The following RICTOR variants were observed in gnomAD, a reference collection of about 807,000 sequenced individuals.
RICTOR encodes RPTOR independent companion of MTOR complex 2, also known as rapamycin-insensitive companion of mTOR.
Under a neutral mutation model 214.9 loss-of-function variants are expected in RICTOR, and 49 were observed. The ratio of observed to expected loss-of-function variants is 0.23; its 90% CI spans 0.18 to 0.29. The LOEUF is 0.29. RICTOR is among the 10% of genes least tolerant of loss of function. RICTOR has a pLI of 1.00. For missense variants in RICTOR, 1,625 were observed against 2,047.0 expected (o/e 0.79, Z 3.98); for synonymous variants, 717 against 711.3 (o/e 1.01, Z -0.13).
intron 2 of RICTOR, among the ~76,000 whole-genome samples, chr5:39,041,018 A>G (rs1432946494): frequency 6.6e-6 from 1 of 152,244 alleles, no homozygotes; most frequent in Non-Finnish European, 1.5e-5. Flanking sequence ...GTATAAGACA[A>G]GTTGAGAATA....
At position 38,949,806 on chromosome 5, in the gene RICTOR, A is replaced by C. The variant is rs1748562643; in HGVS notation, c.4042T>G (p.Ser1348Ala). 2 of 1,613,502 alleles carry C rather than the reference A, an allele frequency of 1.2e-6. No individual in the cohort carries two copies. The highest frequency in any genetic ancestry group is 1.7e-6 in the Non-Finnish European group (2 of 1,179,548). The change falls in exon 31 of 38, where the codon TCT becomes GCT. Residue 1348 changes from serine to alanine, a missense_variant. Physicochemically the swap from Ser to Ala is moderately conservative, Grantham distance 99 (BLOSUM62 1). Around this residue, in one of 5 missense-constraint regions of RICTOR, gnomAD observed 1,214 missense variants for 1,470.5 expected, o/e 0.83. Coordinates refer to ENST00000357387, the MANE Select transcript of RICTOR (RefSeq NM_152756.5). Reference sequence around the variant, plus strand: ...TTTGCTGGAGATGCCAAAGCTTCAGAGTGAGATAAGGATGGATGCATTCTT... The same window carrying C: ...TTTGCTGGAGATGCCAAAGCTTCAGCGTGAGATAAGGATGGATGCATTCTT... ...QQRMHPSLSH[S>A]EALASPAKDV...
chr5:39,049,549 T>C (rs1757708457), intron 2 of RICTOR, among the ~76,000 whole-genome samples: 3 of 149,484 alleles, frequency 2.0e-5, no homozygotes, highest in Non-Finnish European at 4.4e-5. Flanking sequence ...ACATATGCAG[T>C]AGCAAGCCAG....
chr5:38,951,810 C>T (rs188487538), intron 30 of RICTOR, among the ~76,000 whole-genome samples: 10 of 151,938 alleles, frequency 6.6e-5, no homozygotes, highest in Admixed American at 6.6e-4. Flanking sequence ...AATATAATAT[C>T]AGTTAAAAAT....
At chr5:39,013,320 A>G (rs1754689625) in intron 3 of RICTOR, among the ~76,000 whole-genome samples, 1 of 152,168 alleles carries the variant, frequency 6.6e-6, no homozygotes, top group Non-Finnish European at 1.5e-5. Context: ...AGATTTTGAT[A>G]ATGTCACTGG....
At chr5:39,001,729 C>A (rs1239252) in intron 5 of RICTOR, among the ~76,000 whole-genome samples, 6,840 of 152,014 alleles carry the variant, frequency 0.045, 285 homozygotes, top group African/African-American at 0.1. Context: ...AAAAGATAGG[C>A]TATCCAAACT....
intron 2 of RICTOR, among the ~76,000 whole-genome samples, chr5:39,036,876 T>C (rs576740254): frequency 2.6e-5 from 4 of 152,264 alleles, no homozygotes; most frequent in Non-Finnish European, 5.9e-5. Context: ...TGGGAGACTT[T>C]AGCACCCCAC....
chr5:38,982,011 G>A lies in RICTOR; in HGVS notation c.609C>T (p.Ala203=), dbSNP rs1186048306. 5 of 1,612,130 alleles carry A rather than the reference G, an allele frequency of 3.1e-6. No homozygotes were observed. The highest frequency in any genetic ancestry group is 4.2e-6 in the Non-Finnish European group (5 of 1,178,646). ...AGATGGTGTTTAGTCCACCTCGAAGGGCCACCACCTCTGGATTCTGAAGTG... is the reference window on the plus strand; with the variant it reads ...AGATGGTGTTTAGTCCACCTCGAAGAGCCACCACCTCTGGATTCTGAAGTG... The part of the protein sequence containing the change: ...ELALQNPEVV[A]LRGGLNTILK... Residue 203 remains alanine, a synonymous_variant, in exon 8 of 38, where the codon GCC becomes GCT. Transcript: ENST00000357387.
rs756008171 is a variant in RICTOR at position 38,968,022 on chromosome 5, T to C, written c.981A>G (p.Leu327=). 18 of 1,593,082 alleles carry C rather than the reference T, an allele frequency of 1.1e-5. No homozygotes were observed. The highest frequency in any genetic ancestry group is 6.7e-5 in the East Asian group (3 of 44,678). ...CIPNMEIRRG[L]LEVLYDIFRL... is the part of the protein sequence containing the mutation. ...GAAATATATCATAAAGCACTTCAAGTAGACCTCGCTAAATTAGCAAACAAA... is the reference window on the plus strand; with the variant it reads ...GAAATATATCATAAAGCACTTCAAGCAGACCTCGCTAAATTAGCAAACAAA... Residue 327 remains leucine (L), a synonymous_variant, in exon 12 of 38, where the codon CTA becomes CTG. Transcript: ENST00000357387.
rs376775091 is a variant in RICTOR, at chr5:38,953,514, C to T, written c.2737G>A (p.Asp913Asn). The T allele has an allele frequency of 1.3e-6, 2 of 1,496,292 alleles. No homozygotes were observed. The highest frequency in any genetic ancestry group is 1.8e-6 in the Non-Finnish European group (2 of 1,117,322). 92.7% of individuals were successfully genotyped at this position (1,496,292 alleles called of 1,614,324 possible). ...TELCRNVRTP[D>N]LDKWEEIKKL... ...TTAATTTCTTCCCACTTATCCAAAT[C>T]TGGTGTACGAACATTACGACAGAGT... The change falls in exon 28 of 38, where the codon GAT becomes AAT. Residue 913 changes from aspartate (D) to asparagine (N), a missense_variant. This residue lies in a region of RICTOR where 1,214 missense variants were observed against 1,470.5 expected (regional missense o/e 0.83). Transcript: ENST00000357387.
chr5:39,042,276 T>C (rs910380849), intron 2 of RICTOR, among the ~76,000 whole-genome samples: 9 of 152,154 alleles, frequency 5.9e-5, no homozygotes, highest in African/African-American at 2.2e-4. Context: ...TCTTCAAATG[T>C]TACAATATAA....
At chr5:39,062,982 AT>A (rs1758656780) in intron 2 of RICTOR, among the ~76,000 whole-genome samples, 1 of 152,142 alleles carries the variant, frequency 6.6e-6, no homozygotes, top group African/African-American at 2.4e-5. Context: ...AGATCAGAAA[AT>A]CTGGTGATTT....
chr5:38,970,947 T>G (rs1208666383), intron 11 of RICTOR: 4 of 152,194 alleles, frequency 2.6e-5, no homozygotes, highest in East Asian at 1.9e-4. Context: ...AGAATGCCCT[T>G]GTGTGTTGTT....
chr5:38,938,498 A>C lies in RICTOR; in HGVS notation c.*3806T>G. On this transcript the variant is annotated 3_prime_UTR_variant, in exon 38 of 38. Transcript: ENST00000357387. ...TTTTTTGGCATAAATTATATTTTTG[A>C]AATTAAATATTCTATAAAGAAAGTA... 4.3e-6 allele frequency: 1 copy of C among 232,450 alleles called. No homozygotes were observed. Among genetic ancestry groups the C allele is most frequent in the East Asian group, 6.1e-5 (1 of 16,300 alleles). 14.4% of individuals were successfully genotyped at this position (232,450 alleles called of 1,614,324 possible). A position where few individuals can be genotyped will look rare whatever the true frequency, so the allele number is the denominator to read the frequency against.
chr5:39,062,313 A>G (rs1018367195), intron 2 of RICTOR, among the ~76,000 whole-genome samples: 10 of 152,074 alleles, frequency 6.6e-5, no homozygotes, highest in Admixed American at 2.0e-4. Flanking sequence ...AAACTACCAC[A>G]TGGCTAAATG....
chr5:39,024,986 T>C (rs1387837810), intron 2 of RICTOR, among the ~76,000 whole-genome samples: 2 of 152,174 alleles, frequency 1.3e-5, no homozygotes, highest in South Asian at 2.1e-4. Flanking sequence ...GTATCTAACA[T>C]AGAAGTGGAA....
chr5:39,039,352 C>T lies in RICTOR; in HGVS notation c.98-18216G>A, dbSNP rs1039522162. On this transcript the variant is annotated intron_variant, in intron 2 of 37. Coordinates refer to ENST00000357387, the MANE Select transcript of RICTOR (RefSeq NM_152756.5). ...AAAGACTTAAATGTTAGACCTAAAA[C>T]CATAAAAACCCTAGAAGAAAACCTA... Among the ~76,000 whole-genome samples the T allele has an allele frequency of 1.2e-4, 19 of 152,188 alleles. 1 individual carries two copies. The Middle Eastern group carries it at 0.01, about 82-fold the overall frequency.
chr5:38,962,947 G>C lies in RICTOR; in HGVS notation c.1495C>G (p.Gln499Glu), dbSNP rs2150024114. 1.2e-6 allele frequency: 2 copies of C among 1,612,552 alleles called. No individual in the cohort carries two copies. The highest frequency in any genetic ancestry group is 1.7e-6 in the Non-Finnish European group (2 of 1,178,720). The change falls in exon 17 of 38, where the codon CAG becomes GAG. Residue 499 changes from glutamine to glutamate, a missense_variant. Gln to Glu is a conservative substitution (Grantham distance 29). Transcript: ENST00000357387. ...PYSLHLDHII[Q>E]KAIATHQKRD... is the part of the protein sequence containing the mutation. ...TTCTGGTGTGTTGCAATTGCTTTCTGAATAATGTGGTCTAAATGAAGACTA... is the reference window on the plus strand; with the variant it reads ...TTCTGGTGTGTTGCAATTGCTTTCTCAATAATGTGGTCTAAATGAAGACTA...
In RICTOR at chr5:38,957,741, A is replaced by T. The variant is rs773275490; in HGVS notation, c.2421-11T>A. 6.8e-7 allele frequency: 1 copy of T among 1,475,032 alleles called. No homozygotes were observed. Among genetic ancestry groups the T allele is most frequent in the South Asian group, 1.2e-5 (1 of 83,986 alleles). 91.4% of individuals were successfully genotyped at this position (1,475,032 alleles called of 1,614,324 possible). Reference sequence around the variant, plus strand: ...GGAATGGAGAGAAATCTGCAAATTAAAACAAGCAATAGTTTAACATTGAGT... The same window carrying T: ...GGAATGGAGAGAAATCTGCAAATTATAACAAGCAATAGTTTAACATTGAGT... On this transcript the variant is annotated splice_polypyrimidine_tract_variant and intron_variant, in intron 24 of 37. Coordinates refer to ENST00000357387, the MANE Select transcript of RICTOR (RefSeq NM_152756.5).
chr5:39,021,519 A>C (rs1755422730), intron 2 of RICTOR, among the ~76,000 whole-genome samples: 1 of 152,188 alleles, frequency 6.6e-6, no homozygotes, highest in Non-Finnish European at 1.5e-5. Flanking sequence ...ATGGATTGTT[A>C]AGGAGGAAAT....
Sources: allele counts gnomAD v4.1 joint callset (sites outside exome capture counted in the v4.1 genomes callset), GRCh38; gene constraint gnomAD v4.1.1; regional missense constraint gnomAD v4.1.1; transcripts MANE v1.5; gene names NCBI Gene and HGNC (gene_info 2026-07-23, HGNC 2026-07-21).